Variants in PLAC8L1 observed in about 807,000 individuals in gnomAD.
PLAC8L1 encodes PLAC8-like protein 1.
PLAC8L1 carries 13 observed loss-of-function variants against 16.3 expected under a neutral mutation model. The ratio of observed to expected loss-of-function variants is 0.80; its 90% CI spans 0.52 to 1.27. PLAC8L1 has a LOEUF of 1.27. Ranked by LOEUF, PLAC8L1 falls within the 50% of genes most tolerant of loss-of-function variation. PLAC8L1 has a pLI of 0.00. For synonymous variants in PLAC8L1, 78 were observed against 79.3 expected, an observed-to-expected ratio of 0.98 and a Z score of 0.09; for missense variants, 184 against 220.2, an observed-to-expected ratio of 0.84 and a Z score of 1.04.
rs1486889669 is a variant in PLAC8L1, at chr5:146,104,464, G to A, written c.-153C>T. The stretch of plus-strand genomic sequence containing the variant: ...TGAGGTCATAGCAGTGTAACTAACA[G>A]ACATCTTTTTTCTTTAAAAACAGGT... On this transcript the variant is annotated 5_prime_UTR_variant, in exon 1 of 4. Transcript: ENST00000311450. The A allele has an allele frequency of 6.1e-6, 4 of 651,178 alleles. No homozygotes were observed. The highest frequency in any genetic ancestry group is 1.1e-5 in the Non-Finnish European group (4 of 364,816). 40.3% of individuals were successfully genotyped at this position (651,178 alleles called of 1,614,324 possible). A position where few individuals can be genotyped will look rare whatever the true frequency, so the allele number is the denominator to read the frequency against.
rs528675652 is a variant in PLAC8L1 at position 146,103,580 on chromosome 5, G to A, written c.119+613C>T. The A allele has an allele frequency of 5.9e-5, 52 of 884,682 alleles. No individual in the cohort carries two copies. The South Asian group carries it at 2.1e-3, about 35-fold the overall frequency. 54.8% of individuals were successfully genotyped at this position (884,682 alleles called of 1,614,324 possible). On this transcript the variant is annotated intron_variant, in intron 1 of 3. Transcript: ENST00000311450. ...AGTGCTAAAACCAGTACAGTTCCAGGCAAACCAAGATGGTTGGTGATCCTA... is the reference window on the plus strand; with the variant it reads ...AGTGCTAAAACCAGTACAGTTCCAGACAAACCAAGATGGTTGGTGATCCTA...
Position 146,098,196 on chromosome 5 carries a change from C to G in PLAC8L1, c.216G>C (p.Trp72Cys), listed in dbSNP as rs766713883. The G allele has an allele frequency of 5.6e-6, 9 of 1,613,918 alleles. No homozygotes were observed. Among genetic ancestry groups the G allele is most frequent in the Non-Finnish European group, 6.8e-6 (8 of 1,179,960 alleles). Residue 72 changes from tryptophan (W) to cysteine (C), a missense_variant, in exon 2 of 4, where the codon TGG (tryptophan) becomes TGC (cysteine). Trp to Cys is a radical substitution (Grantham distance 215). Transcript: ENST00000311450. Reference protein sequence around the residue: ...ITAIVQTGGGWSTGLFSVCRD... With the variant: ...ITAIVQTGGGCSTGLFSVCRD... Reference sequence around the variant, plus strand: ...TGCAGACACTGAAGAGACCGGTGCTCCAGCCCCCGCCAGTCTGGACAATTG... The same window carrying G: ...TGCAGACACTGAAGAGACCGGTGCTGCAGCCCCCGCCAGTCTGGACAATTG...
At chr5:146,103,095 A>C in intron 1 of PLAC8L1, among the ~76,000 whole-genome samples, 1 of 152,220 alleles carries the variant, frequency 6.6e-6, no homozygotes, top group African/African-American at 2.4e-5. Flanking sequence ...ATGCACACCT[A>C]TAATCCCAGC....
At position 146,084,418 on chromosome 5, in the gene PLAC8L1, G is replaced by GAT; in HGVS notation, c.*13_*14insAT. The GAT allele has an allele frequency of 6.2e-7, 1 of 1,613,354 alleles. No homozygotes were observed. Among genetic ancestry groups the GAT allele is most frequent in the Non-Finnish European group, 8.5e-7 (1 of 1,179,522 alleles). On this transcript the variant is annotated 3_prime_UTR_variant, in exon 4 of 4. Coordinates refer to ENST00000311450, the MANE Select transcript of PLAC8L1 (RefSeq NM_001029869.3). ...GAGGGTGTTGGGGAGTAAGGAGGAG[G>GAT]AGTTATCTTGCTGTCAAACCAGGGT...
chr5:146,089,288 T>C (rs1763570482), intron 2 of PLAC8L1, among the ~76,000 whole-genome samples: 2 of 152,338 alleles, frequency 1.3e-5, no homozygotes, highest in Middle Eastern at 3.4e-3. Context: ...ATTCAATTAC[T>C]GTACTTTGAA....
chr5:146,084,949 C>T (rs1321357068), intron 3 of PLAC8L1, among the ~76,000 whole-genome samples: 1 of 152,194 alleles, frequency 6.6e-6, no homozygotes, highest in Admixed American at 6.5e-5. Flanking sequence ...AAAAGTAAAT[C>T]CCGCTCTCCA....
chr5:146,085,553 C>T lies in PLAC8L1; in HGVS notation c.301G>A (p.Ala101Thr), dbSNP rs1410371224. Residue 101 changes from alanine (A) to threonine (T), a missense_variant, in exon 3 of 4, where the codon GCC becomes ACC. Transcript: ENST00000311450. ...FCPMCLECDIARHYGECLCWP... is the reference protein window; with the variant it reads ...FCPMCLECDITRHYGECLCWP... ...CAAAGACACTCTCCATAATGCCTGG[C>T]GATGTCACACTCAAGACACATAGGA... 5.6e-6 allele frequency: 9 copies of T among 1,614,082 alleles called. No homozygotes were observed. Among genetic ancestry groups the T allele is most frequent in the South Asian group, 1.1e-5 (1 of 91,076 alleles).
intron 2 of PLAC8L1, among the ~76,000 whole-genome samples, chr5:146,097,772 C>T (rs560149498): frequency 1.1e-4 from 17 of 152,246 alleles, no homozygotes; most frequent in African/African-American, 3.6e-4. Flanking sequence ...TTTCCTTAAA[C>T]TCCTAAAAAT....
At chr5:146,103,726 C>G (rs1763861428) in intron 1 of PLAC8L1, 1 of 985,378 alleles carries the variant, frequency 1.0e-6, no homozygotes, top group Non-Finnish European at 1.2e-6. Context: ...TCTTCCTCTT[C>G]TAGCACAAGC....
chr5:146,087,892 G>A (rs1763542943), intron 2 of PLAC8L1, among the ~76,000 whole-genome samples: 1 of 152,144 alleles, frequency 6.6e-6, no homozygotes, highest in Admixed American at 6.5e-5. Flanking sequence ...AGGGAAAGAG[G>A]AAGAGAGCAA....
chr5:146,097,090 T>C (rs949998027), intron 2 of PLAC8L1, among the ~76,000 whole-genome samples: 1 of 152,162 alleles, frequency 6.6e-6, no homozygotes, highest in Non-Finnish European at 1.5e-5. Flanking sequence ...CCCTCATCCA[T>C]CACACATACC....
At position 146,090,349 on chromosome 5, in the gene PLAC8L1, C is replaced by G. The variant is rs148595384; in HGVS notation, c.257-4752G>C. Among the ~76,000 whole-genome samples, 904 of 152,006 alleles carry G rather than the reference C, an allele frequency of 5.9e-3. 8 individuals are homozygous for G. Among genetic ancestry groups the G allele is most frequent in the African/African-American group, 0.02 (850 of 41,470 alleles). On this transcript the variant is annotated intron_variant, in intron 2 of 3. Coordinates refer to ENST00000311450, the MANE Select transcript of PLAC8L1 (RefSeq NM_001029869.3). Reference sequence around the variant, plus strand: ...AGGAGTTTGAGACCAGCCTGGCCAACATGATGAAACCCCATCTCCACAAAA... The same window carrying G: ...AGGAGTTTGAGACCAGCCTGGCCAAGATGATGAAACCCCATCTCCACAAAA...
intron 1 of PLAC8L1, among the ~76,000 whole-genome samples, chr5:146,102,378 T>G (rs1210222786): frequency 6.6e-6 from 1 of 152,226 alleles, no homozygotes; most frequent in African/African-American, 2.4e-5. Flanking sequence ...ATACATTGGC[T>G]GAGACATTTC....
At chr5:146,093,999 A>G (rs1763667303) in intron 2 of PLAC8L1, among the ~76,000 whole-genome samples, 1 of 152,140 alleles carries the variant, frequency 6.6e-6, no homozygotes, top group African/African-American at 2.4e-5. Context: ...TCCTTTCATA[A>G]CACTCTGTTT....
chr5:146,087,212 T>C (rs1221990232), intron 2 of PLAC8L1, among the ~76,000 whole-genome samples: 2 of 152,256 alleles, frequency 1.3e-5, no homozygotes, highest in Non-Finnish European at 2.9e-5. Flanking sequence ...TCTCTTTTTT[T>C]AGAGTTGAGC....
chr5:146,092,787 T>C (rs529436479), intron 2 of PLAC8L1, among the ~76,000 whole-genome samples: 116 of 152,218 alleles, frequency 7.6e-4, no homozygotes, highest in African/African-American at 2.8e-3. Context: ...CTGCCCGCCT[T>C]GGCCTCCCAA....
chr5:146,092,399 G>A (rs1406350248), intron 2 of PLAC8L1, among the ~76,000 whole-genome samples: 2 of 152,114 alleles, frequency 1.3e-5, no homozygotes, highest in South Asian at 4.1e-4. Flanking sequence ...TCACACACAT[G>A]CAAAATGACA....
chr5:146,090,076 T>C (rs537620967), intron 2 of PLAC8L1, among the ~76,000 whole-genome samples: 2 of 152,214 alleles, frequency 1.3e-5, no homozygotes, highest in Non-Finnish European at 2.9e-5. Context: ...CAAGTATTGC[T>C]GCTCTGTACT....
intron 1 of PLAC8L1, among the ~76,000 whole-genome samples, chr5:146,098,933 T>C (rs1444668306): frequency 1.3e-5 from 2 of 152,210 alleles, no homozygotes; most frequent in Non-Finnish European, 2.9e-5. Flanking sequence ...ACTGTATGAT[T>C]GACCTAGTGG....
Sources: allele counts gnomAD v4.1 joint callset (sites outside exome capture counted in the v4.1 genomes callset), GRCh38; gene constraint gnomAD v4.1.1; transcripts MANE v1.5; gene names NCBI Gene and HGNC (gene_info 2026-07-23, HGNC 2026-07-21).